Variants in BARD1 observed in about 807,000 individuals in gnomAD.
BARD1 encodes the protein BRCA1 associated RING domain 1.
A neutral mutation model predicts 77.0 loss-of-function variants in BARD1; 73 were observed. That is an observed-to-expected ratio of 0.95 (90% CI 0.79 to 1.15). BARD1 has a LOEUF of 1.15. BARD1 is among the 50% of genes most tolerant of loss of function. The pLI, the probability that BARD1 is intolerant of heterozygous loss-of-function variation, is 0.00. For synonymous variants in BARD1, 384 were observed against 338.0 expected (o/e 1.14, Z -1.49); for missense variants, 993 against 938.8 (o/e 1.06, Z -0.75).
intron 9 of BARD1, among the ~76,000 whole-genome samples, chr2:214,741,531 CT>C (rs1692828298): frequency 1.3e-5 from 2 of 152,058 alleles, no homozygotes; most frequent in Non-Finnish European, 2.9e-5. Flanking sequence ...TTCTTTCATT[CT>C]TATCACCTCT....
intron 9 of BARD1, 46 bp downstream of exon 9, chr2:214,745,021 A>T: frequency 1.3e-6 from 2 of 1,524,784 alleles, no homozygotes; most frequent in Non-Finnish European, 1.8e-6. Flanking sequence ...ATGAAAAACA[A>T]AACTAGTCTA....
chr2:214,788,409 A>C (rs1695370728), intron 3 of BARD1, among the ~76,000 whole-genome samples: 1 of 152,070 alleles, frequency 6.6e-6, no homozygotes, highest in Non-Finnish European at 1.5e-5. Flanking sequence ...AACCAAGAAA[A>C]ATCTGTTCAA....
At chr2:214,748,127 C>CTA (rs1399838117) in intron 7 of BARD1, among the ~76,000 whole-genome samples, 3 of 152,260 alleles carry the variant, frequency 2.0e-5, no homozygotes, top group African/African-American at 7.2e-5. Flanking sequence ...GCATATGATA[C>CTA]TATTTCTACC....
chr2:214,773,325 A>G (rs1686321169), intron 4 of BARD1, among the ~76,000 whole-genome samples: 1 of 152,224 alleles, frequency 6.6e-6, no homozygotes, highest in African/African-American at 2.4e-5. Flanking sequence ...AAGCCTTTCC[A>G]TGTAAATGAA....
Position 214,781,398 on chromosome 2 carries a change from C to T in BARD1, c.476G>A (p.Ser159Asn), listed in dbSNP as rs786203226. The change falls in exon 4 of 11, where the codon AGT becomes AAT. Residue 159 changes from serine to asparagine, a missense_variant. Ser to Asn is a conservative substitution (Grantham distance 46). Transcript: ENST00000260947. Reference sequence around the variant, plus strand: ...AGGCTGGGTTTGCACTGAAGCTTTACTCACAACATATCTGACTTTCTTACT... The same window carrying T: ...AGGCTGGGTTTGCACTGAAGCTTTATTCACAACATATCTGACTTTCTTACT... ...PRSKKVRYVV[S>N]KASVQTQPAI... is the part of the protein sequence containing the mutation. 2.6e-5 allele frequency: 42 copies of T among 1,613,556 alleles called. No individual in the cohort carries two copies. The highest frequency in any genetic ancestry group is 3.4e-5 in the Non-Finnish European group (40 of 1,179,934).
chr2:214,736,897 C>A (rs1330086953), intron 9 of BARD1, among the ~76,000 whole-genome samples: 4 of 152,112 alleles, frequency 2.6e-5, no homozygotes, highest in African/African-American at 7.2e-5. Flanking sequence ...CTCTAATATG[C>A]TTTTACTCCA....
Position 214,728,357 on chromosome 2 carries a change from A to G in BARD1, c.*319T>C, listed in dbSNP as rs765395432. 1.2e-5 allele frequency: 4 copies of G among 325,610 alleles called. No individual in the cohort carries two copies. Among genetic ancestry groups the G allele is most frequent in the Non-Finnish European group, 2.3e-5 (4 of 176,066 alleles). The allele number at this position is 325,610 out of a possible 1,614,324, so 20.2% of individuals were successfully genotyped here. A position where few individuals can be genotyped will look rare whatever the true frequency, so the allele number is the denominator to read the frequency against. ...AGAATATTAAAAGACTCAAACAGTA[A>G]TGATACCACTTGTCTATTTAACCAA... On this transcript the variant is annotated 3_prime_UTR_variant, in exon 11 of 11. Coordinates refer to ENST00000260947, the MANE Select transcript of BARD1 (RefSeq NM_000465.4).
In BARD1 at chr2:214,806,993, T is replaced by G. The variant is rs564040934; in HGVS notation, c.158+2419A>C. On this transcript the variant is annotated intron_variant, in intron 1 of 10. Coordinates refer to ENST00000260947, the MANE Select transcript of BARD1 (RefSeq NM_000465.4). ...TCGACAGTTTAGCAACTATTGCCTG[T>G]GGGCCAAACCAAGCCAGCAGTCTGT... Among the ~76,000 whole-genome samples the G allele has an allele frequency of 2.6e-5, 4 of 152,212 alleles. No individual in the cohort carries two copies. In the South Asian group the frequency reaches 8.3e-4, roughly 32 times the overall value.
chr2:214,733,222 C>A (rs76563869), intron 9 of BARD1, among the ~76,000 whole-genome samples: 2,174 of 152,284 alleles, frequency 0.014, 46 homozygotes, highest in East Asian at 0.086. Context: ...TATCCCTTAT[C>A]TGAAGTGTTT....
intron 6 of BARD1, among the ~76,000 whole-genome samples, chr2:214,767,216 G>A (rs1264825939): frequency 3.9e-5 from 6 of 151,904 alleles, no homozygotes; most frequent in Non-Finnish European, 7.4e-5. Flanking sequence ...TTTTTTATCC[G>A]ATCTGTCATT....
intron 9 of BARD1, among the ~76,000 whole-genome samples, chr2:214,739,135 T>C (rs1692697516): frequency 6.6e-6 from 1 of 151,034 alleles, no homozygotes; most frequent in Non-Finnish European, 1.5e-5. Context: ...TGTGACAGAG[T>C]GAGGGAGGGG....
chr2:214,748,109 T>C (rs1693226645), intron 7 of BARD1, among the ~76,000 whole-genome samples: 1 of 152,176 alleles, frequency 6.6e-6, no homozygotes, highest in Non-Finnish European at 1.5e-5. Context: ...ATATCATTTC[T>C]AAATATAGCA....
chr2:214,779,368 A>C (rs567050429), intron 4 of BARD1, among the ~76,000 whole-genome samples: 1 of 152,300 alleles, frequency 6.6e-6, no homozygotes, highest in African/African-American at 2.4e-5. Flanking sequence ...TGCTATGTAG[A>C]TAGTTGTTAT....
chr2:214,743,100 C>G (rs2106014304), intron 9 of BARD1, among the ~76,000 whole-genome samples: 1 of 152,294 alleles, frequency 6.6e-6, no homozygotes, highest in African/African-American at 2.4e-5. Context: ...TTGATGAGAA[C>G]AGATGGAGTG....
chr2:214,759,206 T>C (rs756512332), intron 6 of BARD1, among the ~76,000 whole-genome samples: 13 of 152,156 alleles, frequency 8.5e-5, no homozygotes, highest in Non-Finnish European at 1.6e-4. Context: ...GTCCATGTAA[T>C]ATTTTCTACT....
rs1692136274 is a variant in BARD1 at position 214,727,600 on chromosome 2, C to T, written c.*1076G>A. On this transcript the variant is annotated 3_prime_UTR_variant, in exon 11 of 11. Coordinates refer to ENST00000260947, the MANE Select transcript of BARD1 (RefSeq NM_000465.4). ...ACTCTCAGGTGGTATCCTGCCCACT[C>T]ACTAAGGCCTTGCCTATTTGATATT... 8.6e-6 allele frequency: 2 copies of T among 232,412 alleles called. No homozygotes were observed. Among genetic ancestry groups the T allele is most frequent in the Non-Finnish European group, 1.7e-5 (2 of 117,460 alleles). 14.4% of individuals were successfully genotyped at this position (232,412 alleles called of 1,614,324 possible). A position where few individuals can be genotyped will look rare whatever the true frequency, so the allele number is the denominator to read the frequency against.
At chr2:214,734,019 T>C (rs1692466638) in intron 9 of BARD1, among the ~76,000 whole-genome samples, 1 of 152,150 alleles carries the variant, frequency 6.6e-6, no homozygotes, top group African/African-American at 2.4e-5. Flanking sequence ...GAATAACAAA[T>C]GTGGGAGCAG....
At chr2:214,744,987 C>A in intron 9 of BARD1, 80 bp downstream of exon 9, 1 of 1,217,800 alleles carries the variant, frequency 8.2e-7, no homozygotes, top group South Asian at 1.3e-5. Flanking sequence ...ACATCAAGTT[C>A]CTTAATCACA....
chr2:214,804,921 A>G (rs1696198736), intron 1 of BARD1, among the ~76,000 whole-genome samples: 2 of 152,158 alleles, frequency 1.3e-5, no homozygotes. Flanking sequence ...CTAGCACTTT[A>G]GGAGGCCAAG....
Sources: gnomAD v4.1 joint callset for allele counts (sites outside exome capture counted in the v4.1 genomes callset) on GRCh38, gnomAD v4.1.1 for gene constraint, MANE v1.5 for transcripts, NCBI Gene and HGNC (gene_info 2026-07-23, HGNC 2026-07-21) for gene names.